Variants in ARID1A observed in about 807,000 individuals in gnomAD.
ARID1A encodes AT-rich interactive domain-containing protein 1A.
In ARID1A, 20 loss-of-function variants were observed where a neutral mutation model predicts 212.6. The ratio of observed to expected loss-of-function variants is 0.09; its 90% CI spans 0.07 to 0.14. The LOEUF (loss-of-function observed/expected upper bound fraction) is 0.14. Among genes scored for constraint, ARID1A ranks in the 10% least tolerant of loss-of-function variants. ARID1A has a pLI of 1.00. For missense variants in ARID1A, 2,587 were observed against 3,059.0 expected, an observed-to-expected ratio of 0.85 and a Z score of 3.64; for synonymous variants, 1,376 against 1,222.1, an observed-to-expected ratio of 1.13 and a Z score of -2.63.
At chr1:26,730,038 G>A (rs1043840786) in intron 2 of ARID1A, among the ~76,000 whole-genome samples, 175 bp downstream of exon 2, 2 of 152,200 alleles carry the variant, frequency 1.3e-5, no homozygotes, top group African/African-American at 4.8e-5. Context: ...ACCGTTCCAT[G>A]TGTGCTCCAA....
chr1:26,776,012 C>G (rs1384076622), intron 19 of ARID1A: 2 of 465,042 alleles, frequency 4.3e-6, no homozygotes, highest in African/African-American at 4.0e-5. Context: ...CTAGAAGAAT[C>G]TGTGTTTTTT....
In ARID1A at chr1:26,779,623, G is replaced by C; in HGVS notation, c.5725G>C (p.Ala1909Pro). The C allele has an allele frequency of 6.2e-7, 1 of 1,614,138 alleles. No homozygotes were observed. The highest frequency in any genetic ancestry group is 8.5e-7 in the Non-Finnish European group (1 of 1,180,038). Reference sequence around the variant, plus strand: ...TGGACCTCCAGAAAAACGGATCACAGCCACTATGGATGACATGTTGTCTAC... The same window carrying C: ...TGGACCTCCAGAAAAACGGATCACACCCACTATGGATGACATGTTGTCTAC... Reference protein sequence around the residue: ...PDGPPEKRITATMDDMLSTRS... With the variant: ...PDGPPEKRITPTMDDMLSTRS... The change falls in exon 20 of 20, where the codon GCC becomes CCC. Residue 1909 changes from alanine to proline, a missense_variant. This residue lies in a region of ARID1A where 890 missense variants were observed against 1,098.2 expected (regional missense o/e 0.81). Transcript: ENST00000324856.
chr1:26,750,662 A>G (rs1396666549), intron 4 of ARID1A, among the ~76,000 whole-genome samples: 2 of 151,904 alleles, frequency 1.3e-5, no homozygotes, highest in Non-Finnish European at 1.5e-5. Context: ...TCTGTGAGCC[A>G]CACCCTTGTG....
chr1:26,780,777 C>CT lies in ARID1A; in HGVS notation c.*21_*22insT. Reference sequence around the variant, plus strand: ...CATGACAGCCGTGGGACACCTCCCCCCCCCGTGTGTGTGTGCGTGTGTGGA... The same window carrying CT: ...CATGACAGCCGTGGGACACCTCCCCCTCCCCGTGTGTGTGTGCGTGTGTGGA... On this transcript the variant is annotated 3_prime_UTR_variant, in exon 20 of 20. Transcript: ENST00000324856. The surrounding 1 kb of genome is among the most constrained non-coding windows in gnomAD (Gnocchi z 7.2). 6.5e-7 allele frequency: 1 copy of CT among 1,543,816 alleles called. No individual in the cohort carries two copies. Among genetic ancestry groups the CT allele is most frequent in the Non-Finnish European group, 8.7e-7 (1 of 1,146,170 alleles).
At chr1:26,723,259 G>C (rs1195703075) in intron 1 of ARID1A, among the ~76,000 whole-genome samples, 3 of 152,186 alleles carry the variant, frequency 2.0e-5, no homozygotes, top group African/African-American at 7.2e-5. Context: ...GCCACGTGCA[G>C]CTGGCAGGAA....
chr1:26,729,758 T>C lies in ARID1A; in HGVS notation c.1245T>C (p.His415=). 1 of 1,614,196 alleles carries C rather than the reference T, an allele frequency of 6.2e-7. No individual in the cohort carries two copies. The highest frequency in any genetic ancestry group is 8.5e-7 in the Non-Finnish European group (1 of 1,180,042). ...QGPPSGPQQG[H]GYPGQPYGSQ... The stretch of plus-strand genomic sequence containing the variant: ...CTCCGTCAGGACCGCAGCAAGGACA[T>C]GGGTACCCAGGGCAGCCATACGGGT... Residue 415 remains histidine, a synonymous_variant, in exon 2 of 20, where the codon CAT becomes CAC. Coordinates refer to ENST00000324856, the MANE Select transcript of ARID1A (RefSeq NM_006015.6).
Position 26,724,177 on chromosome 1 carries a change from G to A in ARID1A, c.1138-5474G>A, listed in dbSNP as rs2080594584. On this transcript the variant is annotated intron_variant, in intron 1 of 19. Coordinates refer to ENST00000324856, the MANE Select transcript of ARID1A (RefSeq NM_006015.6). ...TAATACTTAAATGTCCAAAAGCCAAGGTTATAGCTCTAGGTTTACACTAGC... is the reference window on the plus strand; with the variant it reads ...TAATACTTAAATGTCCAAAAGCCAAAGTTATAGCTCTAGGTTTACACTAGC... 2.0e-5 allele frequency among the ~76,000 whole-genome samples: 3 copies of A among 152,128 alleles called. No homozygotes were observed. The South Asian group carries it at 6.2e-4, about 31-fold the overall frequency.
In ARID1A at chr1:26,779,013, CT is replaced by C. The variant is rs2081163874; in HGVS notation, c.5125-9del. On this transcript the variant is annotated splice_polypyrimidine_tract_variant and intron_variant, in intron 19 of 19. Transcript: ENST00000324856. ...TCCCTTAATTTATTTCCTGTTCTTT[CT>C]CTTTTTAGCTCCCAGGGTTGCTAGA... is the stretch of plus-strand genomic sequence containing the variant. 1.3e-6 allele frequency: 2 copies of C among 1,498,020 alleles called. No homozygotes were observed. The highest frequency in any genetic ancestry group is 1.8e-6 in the Non-Finnish European group (2 of 1,123,240). The allele number at this position is 1,498,020 out of a possible 1,614,324, so 92.8% of individuals were successfully genotyped here.
chr1:26,738,878 T>G (rs985874246), intron 4 of ARID1A, among the ~76,000 whole-genome samples: 3 of 123,702 alleles, frequency 2.4e-5, no homozygotes, highest in Admixed American at 7.9e-5. Flanking sequence ...TTTCTTTTGT[T>G]TTTTTTTTTT....
intron 1 of ARID1A, among the ~76,000 whole-genome samples, chr1:26,720,249 G>C (rs1249643446): frequency 1.7e-5 from 2 of 120,542 alleles, no homozygotes; most frequent in Admixed American, 1.7e-4. Context: ...GCTCTGTCTC[G>C]AAAAAAAAAA....
chr1:26,775,389 A>G (rs1249463392), intron 18 of ARID1A, among the ~76,000 whole-genome samples, 169 bp downstream of exon 18: 2 of 152,216 alleles, frequency 1.3e-5, no homozygotes, highest in Admixed American at 6.5e-5. Context: ...GTTCTCCTTC[A>G]TTGCCATGCA....
Position 26,697,019 on chromosome 1 carries a change from G to T in ARID1A, c.616G>T (p.Gly206Cys), listed in dbSNP as rs779670997. The change falls in exon 1 of 20, where the codon GGC (glycine) becomes TGC (cysteine). Residue 206 changes from glycine to cysteine, a missense_variant. Coordinates refer to ENST00000324856, the MANE Select transcript of ARID1A (RefSeq NM_006015.6). ...AGPQQNSHDHGFPNHQYNSYY... is the reference protein window; with the variant it reads ...AGPQQNSHDHCFPNHQYNSYY... Reference sequence around the variant, plus strand: ...GCCCCAGCAGAACTCTCACGACCACGGCTTCCCCAACCACCAGTACAACTC... The same window carrying T: ...GCCCCAGCAGAACTCTCACGACCACTGCTTCCCCAACCACCAGTACAACTC... 6.5e-7 allele frequency: 1 copy of T among 1,534,834 alleles called. No individual in the cohort carries two copies. The highest frequency in any genetic ancestry group is 8.7e-7 in the Non-Finnish European group (1 of 1,144,624).
chr1:26,760,423 C>T (rs770147909), intron 4 of ARID1A, among the ~76,000 whole-genome samples: 1 of 152,170 alleles, frequency 6.6e-6, no homozygotes, highest in African/African-American at 2.4e-5. Flanking sequence ...CGCGGTGGCT[C>T]ACGCCTATAA....
intron 1 of ARID1A, among the ~76,000 whole-genome samples, chr1:26,710,303 G>A (rs1247990865): frequency 6.6e-6 from 1 of 151,300 alleles, no homozygotes; most frequent in Non-Finnish European, 1.5e-5. Flanking sequence ...GCGTGGTGGC[G>A]GATGCCTGTA....
At chr1:26,776,809 C>T (rs964250887) in intron 19 of ARID1A, among the ~76,000 whole-genome samples, 1 of 152,178 alleles carries the variant, frequency 6.6e-6, no homozygotes, top group Non-Finnish European at 1.5e-5. Context: ...CAACAGCCCT[C>T]AGAGGTAGGA....
chr1:26,729,615 A>G (rs539547615), intron 1 of ARID1A, 36 bp from the exon 2 acceptor site: 1 of 1,608,432 alleles, frequency 6.2e-7, no homozygotes, highest in East Asian at 2.2e-5. Context: ...AGAGGCCATC[A>G]AAGCTCAGGT....
chr1:26,696,840 C>T lies in ARID1A; in HGVS notation c.437C>T (p.Pro146Leu), dbSNP rs781072025. The T allele has an allele frequency of 2.0e-5, 27 of 1,339,950 alleles. No individual in the cohort carries two copies. Among genetic ancestry groups the T allele is most frequent in the South Asian group, 6.0e-5 (3 of 49,624 alleles). The allele number at this position is 1,339,950 out of a possible 1,614,324, so 83.0% of individuals were successfully genotyped here. A position where few individuals can be genotyped will look rare whatever the true frequency, so the allele number is the denominator to read the frequency against. ...TCAGCCGCGGCCGCCTTGCCGCCCC[C>T]AGCCTACGGCTTCGGGCAACCCTAC... ...PHSAAAALPPPAYGFGQPYGR... is the reference protein window; with the variant it reads ...PHSAAAALPPLAYGFGQPYGR... Residue 146 changes from proline to leucine, a missense_variant, in exon 1 of 20, where the codon CCA becomes CTA. By Grantham distance (98) the Pro-to-Leu change is moderately conservative (BLOSUM62 -3). Coordinates refer to ENST00000324856, the MANE Select transcript of ARID1A (RefSeq NM_006015.6).
chr1:26,746,102 C>T (rs531509362), intron 4 of ARID1A, among the ~76,000 whole-genome samples: 5 of 152,230 alleles, frequency 3.3e-5, no homozygotes, highest in African/African-American at 1.2e-4. Flanking sequence ...ACTTTGCCTT[C>T]CGTATTCTCT....
At chr1:26,767,316 T>C (rs2081048006) in intron 10 of ARID1A, among the ~76,000 whole-genome samples, 1 of 152,206 alleles carries the variant, frequency 6.6e-6, no homozygotes, top group Non-Finnish European at 1.5e-5. Flanking sequence ...TTCATTTTAG[T>C]CCATCCCATT....
Sources: allele counts gnomAD v4.1 joint callset (sites outside exome capture counted in the v4.1 genomes callset), GRCh38; gene constraint gnomAD v4.1.1; regional missense constraint gnomAD v4.1.1; non-coding constraint Gnocchi (gnomAD v3.1); transcripts MANE v1.5; gene names NCBI Gene and HGNC (gene_info 2026-07-23, HGNC 2026-07-21).